The following SLAMF6 variants were observed in gnomAD, a reference collection of about 807,000 sequenced individuals.
SLAMF6 encodes SLAM family member 6, also known as NK-T-B-antigen.
SLAMF6 carries 21 observed loss-of-function variants against 38.3 expected under a neutral mutation model. The observed-to-expected ratio is 0.55, with a 90% confidence interval of 0.39 to 0.79. The LOEUF (loss-of-function observed/expected upper bound fraction) is 0.79, where lower values mean the gene tolerates loss of function less well. SLAMF6 is among the 30% of genes least tolerant of loss of function. SLAMF6 has a pLI of 0.00. For missense variants in SLAMF6, 341 were observed against 385.3 expected, an observed-to-expected ratio of 0.89 and a Z score of 0.96; for synonymous variants, 152 against 146.3, an observed-to-expected ratio of 1.04 and a Z score of -0.28.
chr1:160,503,595 C>T (rs1356434625), intron 1 of SLAMF6, among the ~76,000 whole-genome samples: 1 of 152,048 alleles, frequency 6.6e-6, no homozygotes, highest in Non-Finnish European at 1.5e-5. Flanking sequence ...ATGGTGACTA[C>T]TTTGTTGAAA....
intron 1 of SLAMF6, among the ~76,000 whole-genome samples, chr1:160,510,159 T>TAATTATTCAAAGAATAATTAGTTTC (rs1654399855): frequency 6.6e-6 from 1 of 152,156 alleles, no homozygotes; most frequent in Admixed American, 6.5e-5. Context: ...TAAATTCTAC[T>TAATTATTCAAAGAATAATTAGTTTC]AATTATTCAA....
chr1:160,491,424 C>A (rs763511692), intron 2 of SLAMF6, 36 bp from the exon 3 acceptor site: 1 of 1,592,240 alleles, frequency 6.3e-7, no homozygotes, highest in Admixed American at 1.8e-5. Context: ...AGATTAAGGA[C>A]AAATGTCTTG....
At chr1:160,511,378 G>T (rs760557567) in intron 1 of SLAMF6, among the ~76,000 whole-genome samples, 14 of 152,244 alleles carry the variant, frequency 9.2e-5, no homozygotes, top group Non-Finnish European at 1.8e-4. Context: ...ACTTATAGAT[G>T]TCTATATGAA....
chr1:160,523,044 G>T, intron 1 of SLAMF6, 100 bp downstream of exon 1: 1 of 1,299,096 alleles, frequency 7.7e-7, no homozygotes, highest in African/African-American at 1.5e-5. Context: ...CAATCCCTTG[G>T]CAGAGAGCCA....
chr1:160,516,573 T>A (rs1654754673), intron 1 of SLAMF6, among the ~76,000 whole-genome samples: 1 of 152,162 alleles, frequency 6.6e-6, no homozygotes, highest in Admixed American at 6.5e-5. Flanking sequence ...GGAACAAAGC[T>A]GGAGGCATCA....
At chr1:160,504,167 A>G (rs1654059822) in intron 1 of SLAMF6, among the ~76,000 whole-genome samples, 1 of 152,146 alleles carries the variant, frequency 6.6e-6, no homozygotes, top group African/African-American at 2.4e-5. Context: ...AGTTGCAGAT[A>G]TGTAGGGTAA....
intron 2 of SLAMF6, among the ~76,000 whole-genome samples, chr1:160,495,823 T>C (rs191912922): frequency 2.0e-4 from 31 of 152,350 alleles, no homozygotes; most frequent in Admixed American, 1.5e-3. Context: ...ACATTTCTGG[T>C]TGAAGAAGAC....
intron 1 of SLAMF6, among the ~76,000 whole-genome samples, chr1:160,520,239 A>T (rs1654923983): frequency 6.6e-6 from 1 of 152,172 alleles, no homozygotes. Context: ...CCTCAGAATC[A>T]GCCCTCATGT....
At chr1:160,508,656 A>C (rs1654316672) in intron 1 of SLAMF6, among the ~76,000 whole-genome samples, 1 of 152,214 alleles carries the variant, frequency 6.6e-6, no homozygotes, top group Non-Finnish European at 1.5e-5. Context: ...AAAATAGACA[A>C]ATGGGATCTA....
chr1:160,507,940 C>T (rs1654273604), intron 1 of SLAMF6, among the ~76,000 whole-genome samples: 1 of 151,936 alleles, frequency 6.6e-6, no homozygotes, highest in Non-Finnish European at 1.5e-5. Flanking sequence ...GACTAGGAAT[C>T]CAACTTAAAA....
chr1:160,515,606 A>G (rs1042179577), intron 1 of SLAMF6, among the ~76,000 whole-genome samples: 2 of 152,216 alleles, frequency 1.3e-5, no homozygotes, highest in African/African-American at 4.8e-5. Flanking sequence ...AAAATTCTCA[A>G]TAAAATACTG....
rs1240372818 is a variant in SLAMF6, at chr1:160,496,390, T to C, written c.53A>G (p.Asn18Ser). ...LLFVFCFGPG[N>S]VVSQSSLTPL... ...GGTTAAGCTGCTTTGTGAAACTACATTCCCTGTAAACACAGAAGGAAAGGT... is the reference window on the plus strand; with the variant it reads ...GGTTAAGCTGCTTTGTGAAACTACACTCCCTGTAAACACAGAAGGAAAGGT... Residue 18 changes from asparagine (N) to serine (S), a missense_variant, in exon 2 of 8, where the codon AAT becomes AGT. Coordinates refer to ENST00000368057, the MANE Select transcript of SLAMF6 (RefSeq NM_001184714.2). 5 of 1,612,406 alleles carry C rather than the reference T, an allele frequency of 3.1e-6. No homozygotes were observed. Among genetic ancestry groups the C allele is most frequent in the Admixed American group, 1.7e-5 (1 of 59,864 alleles).
At chr1:160,499,162 C>T (rs997728144) in intron 1 of SLAMF6, among the ~76,000 whole-genome samples, 3 of 152,078 alleles carry the variant, frequency 2.0e-5, no homozygotes, top group African/African-American at 4.8e-5. Flanking sequence ...AGGGTATTTC[C>T]TATTTTTTTC....
chr1:160,494,759 G>A (rs1653484426), intron 2 of SLAMF6, among the ~76,000 whole-genome samples: 2 of 152,072 alleles, frequency 1.3e-5, no homozygotes, highest in Non-Finnish European at 2.9e-5. Context: ...ACCAGAAGCT[G>A]GGAGAGGCAA....
intron 1 of SLAMF6, among the ~76,000 whole-genome samples, chr1:160,498,808 A>G (rs1175205109): frequency 6.6e-6 from 1 of 152,034 alleles, no homozygotes; most frequent in Non-Finnish European, 1.5e-5. Context: ...GATTTCTCTG[A>G]TGATTACTGA....
intron 3 of SLAMF6, 127 bp downstream of exon 3, chr1:160,490,998 C>T: frequency 1.7e-6 from 2 of 1,193,226 alleles, no homozygotes; most frequent in Non-Finnish European, 1.2e-6. Flanking sequence ...CTCCAGAGGG[C>T]ATCTGTCCCC....
At chr1:160,493,035 AG>A (rs1473395652) in intron 2 of SLAMF6, among the ~76,000 whole-genome samples, 1 of 152,204 alleles carries the variant, frequency 6.6e-6, no homozygotes, top group East Asian at 1.9e-4. Flanking sequence ...CCTTTAGACA[AG>A]TAAGTCAAAT....
Position 160,496,205 on chromosome 1 carries a change from G to T in SLAMF6, c.238C>A (p.Pro80Thr). The T allele has an allele frequency of 1.2e-6, 2 of 1,613,920 alleles. No individual in the cohort carries two copies. The highest frequency in any genetic ancestry group is 1.7e-6 in the Non-Finnish European group (2 of 1,179,920). ...TKSPEIHVTN[P>T]KQGKRLNFTQ... Reference sequence around the variant, plus strand: ...AAGTTCAGTCGCTTTCCCTGTTTCGGATTAGTCACGTGGATTTCTGGACTT... The same window carrying T: ...AAGTTCAGTCGCTTTCCCTGTTTCGTATTAGTCACGTGGATTTCTGGACTT... The change falls in exon 2 of 8, where the codon CCG becomes ACG. Residue 80 changes from proline (P) to threonine (T), a missense_variant. By Grantham distance (38) the Pro-to-Thr change is conservative. Transcript: ENST00000368057.
intron 4 of SLAMF6, 74 bp downstream of exon 4, chr1:160,490,501 T>C: frequency 6.4e-7 from 1 of 1,566,302 alleles, no homozygotes; most frequent in Non-Finnish European, 8.6e-7. Context: ...AAGAGATCCT[T>C]GGGAATCAGA....
Sources: allele counts gnomAD v4.1 joint callset (sites outside exome capture counted in the v4.1 genomes callset), GRCh38; gene constraint gnomAD v4.1.1; transcripts MANE v1.5; gene names NCBI Gene and HGNC (gene_info 2026-07-23, HGNC 2026-07-21).